Variants in SRPK2 observed in about 807,000 individuals in gnomAD.
SRPK2 encodes SRSF protein kinase 2, also known as SFRS protein kinase 2.
Under a neutral mutation model 90.8 loss-of-function variants are expected in SRPK2, and 21 were observed. That is an observed-to-expected ratio of 0.23 (90% CI 0.16 to 0.33). The LOEUF (loss-of-function observed/expected upper bound fraction) is 0.33. Ranked by LOEUF, SRPK2 falls within the 10% of genes least tolerant of loss-of-function variation. The probability of loss-of-function intolerance (pLI) is 1.00; values close to 1 mark genes in which losing one functional copy is unlikely to be tolerated. For missense variants in SRPK2, 620 were observed against 869.0 expected (o/e 0.71, Z 3.60); for synonymous variants, 288 against 311.1 (o/e 0.93, Z 0.78).
chr7:105,226,440 G>A (rs928961390), intron 2 of SRPK2, among the ~76,000 whole-genome samples: 50 of 152,104 alleles, frequency 3.3e-4, no homozygotes, highest in African/African-American at 1.1e-3. Context: ...ACAGGTGCGC[G>A]CCACCATACC....
chr7:105,206,909 T>A (rs932827003), intron 2 of SRPK2, among the ~76,000 whole-genome samples: 5 of 152,244 alleles, frequency 3.3e-5, no homozygotes, highest in Non-Finnish European at 7.3e-5. Context: ...TTCCTGGCCA[T>A]AAGTGATGAT....
In SRPK2 at chr7:105,309,132, C is replaced by T. The variant is rs531291654; in HGVS notation, c.71+79516G>A. 7.9e-5 allele frequency among the ~76,000 whole-genome samples: 12 copies of T among 152,070 alleles called. No individual in the cohort carries two copies. In the East Asian group the frequency reaches 2.3e-3, roughly 29 times the overall value. On this transcript the variant is annotated intron_variant, in intron 2 of 15. Transcript: ENST00000393651. ...TCACAAGAATACTATTTACTTAATGCTCTTAAAATTCCAAACATAAGCAAC... is the reference window on the plus strand; with the variant it reads ...TCACAAGAATACTATTTACTTAATGTTCTTAAAATTCCAAACATAAGCAAC...
chr7:105,370,256 T>C (rs906465464), intron 2 of SRPK2, among the ~76,000 whole-genome samples: 9 of 152,154 alleles, frequency 5.9e-5, no homozygotes, highest in African/African-American at 7.2e-5. Flanking sequence ...GGGATGTTTA[T>C]TCCTAGCTTA....
chr7:105,227,878 C>A (rs1183044656), intron 2 of SRPK2, among the ~76,000 whole-genome samples: 2 of 83,244 alleles, frequency 2.4e-5, no homozygotes, highest in African/African-American at 4.6e-5. Context: ...ATCCACAAAA[C>A]AGAGTATCAT....
intron 2 of SRPK2, among the ~76,000 whole-genome samples, chr7:105,282,444 AG>A (rs1317002977): frequency 6.6e-6 from 1 of 152,250 alleles, no homozygotes; most frequent in Non-Finnish European, 1.5e-5. Context: ...GAAAAGCACA[AG>A]GAATAAAAGA....
chr7:105,290,974 C>G (rs1273582910), intron 2 of SRPK2, among the ~76,000 whole-genome samples: 2 of 142,414 alleles, frequency 1.4e-5, no homozygotes, highest in Non-Finnish European at 3.0e-5. Context: ...GGAAGCGGAG[C>G]TTGCAGTGAG....
intron 2 of SRPK2, among the ~76,000 whole-genome samples, chr7:105,205,165 T>G (rs1165293192): frequency 6.6e-6 from 1 of 151,864 alleles, no homozygotes. Flanking sequence ...CCACCACTAA[T>G]GCATGTGGCT....
At chr7:105,382,943 T>A (rs534239948) in intron 2 of SRPK2, among the ~76,000 whole-genome samples, 1 of 152,150 alleles carries the variant, frequency 6.6e-6, no homozygotes, top group East Asian at 1.9e-4. Context: ...GTTTCAACAA[T>A]GTTCTATGGT....
At position 105,188,890 on chromosome 7, in the gene SRPK2, C is replaced by A. The variant is rs531494769; in HGVS notation, c.229+14738G>T. Among the ~76,000 whole-genome samples the A allele has an allele frequency of 2.0e-5, 3 of 152,266 alleles. No individual in the cohort carries two copies. In the East Asian group the frequency reaches 5.8e-4, roughly 29 times the overall value. On this transcript the variant is annotated intron_variant, in intron 3 of 15. Coordinates refer to ENST00000393651, the MANE Select transcript of SRPK2 (RefSeq NM_182692.3). ...AAAGAGAATTGGTGGATAGCCCCAA[C>A]TAACAAAAAGACTTGCAAGAGTGTT...
At chr7:105,198,032 G>A (rs1795130220) in intron 3 of SRPK2, among the ~76,000 whole-genome samples, 1 of 152,224 alleles carries the variant, frequency 6.6e-6, no homozygotes, top group South Asian at 2.1e-4. Context: ...ACATAAGGTA[G>A]TTCAAAGCAA....
chr7:105,233,136 GAA>G (rs1387795447), intron 2 of SRPK2, among the ~76,000 whole-genome samples: 22 of 148,402 alleles, frequency 1.5e-4, no homozygotes, highest in African/African-American at 5.2e-4. Context: ...AGGAAGGAAG[GAA>G]GGAAGGAAGG....
At chr7:105,370,879 G>C (rs145667781) in intron 2 of SRPK2, among the ~76,000 whole-genome samples, 3 of 152,060 alleles carry the variant, frequency 2.0e-5, no homozygotes, top group African/African-American at 7.2e-5. Flanking sequence ...GCCTCTGAAA[G>C]TGCTAGGATT....
At chr7:105,275,617 G>A (rs1806383523) in intron 2 of SRPK2, among the ~76,000 whole-genome samples, 1 of 152,158 alleles carries the variant, frequency 6.6e-6, no homozygotes, top group South Asian at 2.1e-4. Flanking sequence ...GTAAGTTTAA[G>A]GCTCCCAGAC....
intron 2 of SRPK2, among the ~76,000 whole-genome samples, chr7:105,275,266 T>C (rs1340834086): frequency 6.6e-6 from 1 of 152,214 alleles, no homozygotes; most frequent in Non-Finnish European, 1.5e-5. Context: ...CATTTCAATC[T>C]TATTTTAAAT....
chr7:105,220,444 T>G (rs1484701943), intron 2 of SRPK2, among the ~76,000 whole-genome samples: 1 of 152,116 alleles, frequency 6.6e-6, no homozygotes, highest in East Asian at 1.9e-4. Context: ...GAGAATCGCT[T>G]GAACCTGGGA....
intron 2 of SRPK2, among the ~76,000 whole-genome samples, chr7:105,281,843 G>A (rs773543731): frequency 1.4e-4 from 21 of 152,232 alleles, no homozygotes; most frequent in Admixed American, 1.3e-4. Flanking sequence ...TCCTGTGTTC[G>A]TGGATGGGAA....
chr7:105,210,279 T>A (rs1054057987), intron 2 of SRPK2, among the ~76,000 whole-genome samples: 6 of 152,188 alleles, frequency 3.9e-5, no homozygotes, highest in Admixed American at 1.3e-4. Flanking sequence ...TCCAGATGAA[T>A]TTCTTCAGTT....
In SRPK2 at chr7:105,182,118, C is replaced by A. The variant is rs142863909; in HGVS notation, c.230-12853G>T. Among the ~76,000 whole-genome samples the A allele has an allele frequency of 3.4e-3, 515 of 150,404 alleles. 8 individuals carry two copies. The highest frequency in any genetic ancestry group is 0.011 in the African/African-American group (449 of 40,968). On this transcript the variant is annotated intron_variant, in intron 3 of 15. Coordinates refer to ENST00000393651, the MANE Select transcript of SRPK2 (RefSeq NM_182692.3). ...TGGTGGCAGGCACCTGTAATCCCAG[C>A]TATTCAGGAGGCTGAGGCAGGAGAA...
At chr7:105,188,129 T>C (rs1253613365) in intron 3 of SRPK2, among the ~76,000 whole-genome samples, 1 of 152,232 alleles carries the variant, frequency 6.6e-6, no homozygotes. Context: ...CCCAAATGTA[T>C]ATGAACTGCT....
Sources: allele counts gnomAD v4.1 joint callset (sites outside exome capture counted in the v4.1 genomes callset), GRCh38; gene constraint gnomAD v4.1.1; transcripts MANE v1.5; gene names NCBI Gene and HGNC (gene_info 2026-07-23, HGNC 2026-07-21).